Variants in DCT observed in about 807,000 individuals in gnomAD.
DCT encodes L-dopachrome tautomerase.
Under a neutral mutation model 53.0 loss-of-function variants are expected in DCT, and 47 were observed. The ratio of observed to expected loss-of-function variants is 0.89; its 90% confidence interval spans 0.70 to 1.13. DCT has a LOEUF of 1.13. Ranked by LOEUF, DCT falls within the 50% of genes most tolerant of loss-of-function variation. DCT has a pLI of 0.00. For synonymous variants in DCT, 244 were observed against 237.0 expected (o/e 1.03, Z -0.27); for missense variants, 669 against 637.4 (o/e 1.05, Z -0.53).
intron 6 of DCT, among the ~76,000 whole-genome samples, chr13:94,457,182 T>C (rs1314181043): frequency 1.3e-5 from 2 of 152,218 alleles, no homozygotes; most frequent in East Asian, 3.8e-4. Flanking sequence ...GGTTTGACAA[T>C]GCATTATAAA....
At chr13:94,488,264 C>T in the DCT span, among the ~76,000 whole-genome samples, 1 of 152,084 alleles carries the variant, frequency 6.6e-6, no homozygotes, top group Non-Finnish European at 1.5e-5. Context: ...TCTTCCTGCT[C>T]AATTCTGATC....
chr13:94,509,588 A>T, the DCT span, among the ~76,000 whole-genome samples: 1 of 152,202 alleles, frequency 6.6e-6, no homozygotes, highest in African/African-American at 2.4e-5. Context: ...TGAGAAATAA[A>T]TCCTTGTCTT....
In DCT at chr13:94,437,258, T is replaced by C. The variant is rs2139256726; in HGVS notation, c.*2640A>G. ...ATGCTGAGTGCCCAAAAGATGGGAA[T>C]TGATGCACACTACTTAAAAAACAAT... On this transcript the variant is annotated 3_prime_UTR_variant, in exon 8 of 8. Coordinates refer to ENST00000377028, the MANE Select transcript of DCT (RefSeq NM_001922.5). 1 of 152,316 alleles carries C rather than the reference T, an allele frequency of 6.6e-6. No homozygotes were observed. The highest frequency in any genetic ancestry group is 3.4e-3 in the Middle Eastern group (1 of 294). The allele number at this position is 152,316 out of a possible 1,614,324, so 9.4% of individuals were successfully genotyped here.
At chr13:94,529,500 A>G in the DCT span, among the ~76,000 whole-genome samples, 9 of 152,168 alleles carry the variant, frequency 5.9e-5, no homozygotes, top group Non-Finnish European at 1.3e-4. Context: ...TCAAAACCAC[A>G]CAACTACATG....
At chr13:94,483,745 T>C (rs1051782717), upstream of DCT, among the ~76,000 whole-genome samples, 1 of 152,070 alleles carries the variant, frequency 6.6e-6, no homozygotes, top group Non-Finnish European at 1.5e-5. Context: ...CAGGTGATCC[T>C]CCCACCTCGG....
At chr13:94,452,236 T>A (rs1883143512) in intron 6 of DCT, among the ~76,000 whole-genome samples, 1 of 152,172 alleles carries the variant, frequency 6.6e-6, no homozygotes, top group African/African-American at 2.4e-5. Context: ...TTTCACCATG[T>A]TGGCCAGGCT....
chr13:94,453,618 A>G (rs1883234076), intron 6 of DCT, among the ~76,000 whole-genome samples: 1 of 152,192 alleles, frequency 6.6e-6, no homozygotes, highest in South Asian at 2.1e-4. Context: ...CTTGAATTGT[A>G]GCTCCCACAG....
the DCT span, among the ~76,000 whole-genome samples, chr13:94,504,196 G>A: frequency 6.6e-6 from 1 of 152,184 alleles, no homozygotes. Context: ...AAAATCATCT[G>A]TTCCAAATTT....
intron 4 of DCT, among the ~76,000 whole-genome samples, chr13:94,465,276 T>C (rs1042676678): frequency 6.6e-6 from 1 of 152,190 alleles, no homozygotes; most frequent in Admixed American, 6.5e-5. Context: ...CAAATGTTGA[T>C]TGAATGCAAG....
In DCT at chr13:94,462,295, G is replaced by C. The variant is rs1211364685; in HGVS notation, c.864-106C>G. The C allele has an allele frequency of 3.6e-6, 3 of 829,242 alleles. No individual in the cohort carries two copies. The Admixed American group carries it at 6.6e-5, about 18-fold the overall frequency. 51.4% of individuals were successfully genotyped at this position (829,242 alleles called of 1,614,324 possible). A position where few individuals can be genotyped will look rare whatever the true frequency, so the allele number is the denominator to read the frequency against. On this transcript the variant is annotated intron_variant, in intron 4 of 7. Transcript: ENST00000377028. Reference sequence around the variant, plus strand: ...GGTTGAGGCAGGTGGATCCCTTGAGGCCAGGAGTTTGAGACCAGCTATGGC... The same window carrying C: ...GGTTGAGGCAGGTGGATCCCTTGAGCCCAGGAGTTTGAGACCAGCTATGGC...
At chr13:94,470,297 C>G (rs1290038597) in intron 1 of DCT, among the ~76,000 whole-genome samples, 2 of 152,154 alleles carry the variant, frequency 1.3e-5, no homozygotes, top group Non-Finnish European at 2.9e-5. Context: ...CAAACCACCA[C>G]AGGATTTCTG....
rs1329529136 is a variant in DCT at position 94,440,390 on chromosome 13, T to A, written c.1382-314A>T. Reference sequence around the variant, plus strand: ...ACTACTTTTCTGAGTTAGAAACTCATTTGTGAAAGTGCATGCTAAAATGGC... The same window carrying A: ...ACTACTTTTCTGAGTTAGAAACTCAATTGTGAAAGTGCATGCTAAAATGGC... On this transcript the variant is annotated intron_variant, in intron 7 of 7. Coordinates refer to ENST00000377028, the MANE Select transcript of DCT (RefSeq NM_001922.5). Among the ~76,000 whole-genome samples, 6 of 152,296 alleles carry A rather than the reference T, an allele frequency of 3.9e-5. No homozygotes were observed. The East Asian group carries it at 1.2e-3, about 29-fold the overall frequency.
At chr13:94,515,041 G>A in the DCT span, among the ~76,000 whole-genome samples, 1 of 152,174 alleles carries the variant, frequency 6.6e-6, no homozygotes, top group African/African-American at 2.4e-5. Context: ...TTAGAAAAGA[G>A]ACTGCAGAAA....
chr13:94,463,333 C>T (rs1883944521), intron 4 of DCT, among the ~76,000 whole-genome samples: 1 of 148,714 alleles, frequency 6.7e-6, no homozygotes, highest in African/African-American at 2.5e-5. Flanking sequence ...GTAGCCCAGG[C>T]TGGAGTACAA....
At chr13:94,489,037 AT>A in the DCT span, among the ~76,000 whole-genome samples, 1 of 152,224 alleles carries the variant, frequency 6.6e-6, no homozygotes, top group African/African-American at 2.4e-5. Context: ...GTGTGTGTCA[AT>A]GTGTAGAATA....
the DCT span, among the ~76,000 whole-genome samples, chr13:94,545,540 A>T: frequency 6.6e-6 from 1 of 152,016 alleles, no homozygotes; most frequent in African/African-American, 2.4e-5. Flanking sequence ...AAATAATCAC[A>T]TGGCTGCCGG....
At chr13:94,541,191 G>A in the DCT span, among the ~76,000 whole-genome samples, 2 of 152,132 alleles carry the variant, frequency 1.3e-5, no homozygotes, top group Non-Finnish European at 2.9e-5. Context: ...CAAAAATACA[G>A]TTAGATAGTA....
rs1350618945 is a variant in DCT at position 94,465,657 on chromosome 13, G to C, written c.839C>G (p.Ser280Cys). Residue 280 changes from serine to cysteine, a missense_variant, in exon 4 of 8, where the codon TCC (serine) becomes TGC (cysteine). Physicochemically the swap from Ser to Cys is moderately radical, Grantham distance 112. Coordinates refer to ENST00000377028, the MANE Select transcript of DCT (RefSeq NM_001922.5). ...PTLISRNSRF[S>C]SWETVCDSLD... ...CCTATCACAGACAGTTTCCCAGCTG[G>C]AGAATCTTGAGTTCCGACTAATCAG... is the stretch of plus-strand genomic sequence containing the variant. 2.5e-6 allele frequency: 4 copies of C among 1,613,436 alleles called. No individual in the cohort carries two copies. The highest frequency in any genetic ancestry group is 3.4e-6 in the Non-Finnish European group (4 of 1,179,778).
intron 2 of DCT, chr13:94,467,034 G>A (rs185100137): frequency 6.5e-5 from 10 of 154,252 alleles, no homozygotes; most frequent in Admixed American, 5.8e-4. Context: ...TTTTTTAAAG[G>A]CATTTGCTAA....
Sources: gnomAD v4.1 joint callset for allele counts (sites outside exome capture counted in the v4.1 genomes callset) on GRCh38, gnomAD v4.1.1 for gene constraint, MANE v1.5 for transcripts, NCBI Gene and HGNC (gene_info 2026-07-23, HGNC 2026-07-21) for gene names.